NCAM2: variants seen among roughly 807,000 people sequenced by gnomAD.
NCAM2 encodes neural cell adhesion molecule 2.
In NCAM2, 30 loss-of-function variants were observed where a neutral mutation model predicts 98.1. That is an observed-to-expected ratio of 0.31 (90% CI 0.23 to 0.41). The LOEUF (loss-of-function observed/expected upper bound fraction) is 0.41, where lower values mean the gene tolerates loss of function less well. Ranked by LOEUF, NCAM2 falls within the 10% of genes least tolerant of loss-of-function variation. The probability of loss-of-function intolerance (pLI) is 1.00; values close to 1 mark genes in which losing one functional copy is unlikely to be tolerated. For synonymous variants in NCAM2, 368 were observed against 342.4 expected (o/e 1.07, Z -0.83); for missense variants, 867 against 1,005.8 (o/e 0.86, Z 1.87).
chr21:21,312,190 G>T (rs2147725020), intron 5 of NCAM2, among the ~76,000 whole-genome samples: 1 of 151,956 alleles, frequency 6.6e-6, no homozygotes, highest in Non-Finnish European at 1.5e-5. Flanking sequence ...TTCATAGTTT[G>T]CTCAGAGATT....
intron 6 of NCAM2, among the ~76,000 whole-genome samples, chr21:21,327,707 C>T (rs2147814283): frequency 6.6e-6 from 1 of 152,232 alleles, no homozygotes; most frequent in Non-Finnish European, 1.5e-5. Context: ...CACTCTTATA[C>T]TCTCATTTAA....
chr21:21,207,380 AC>A (rs2069479122), intron 1 of NCAM2, among the ~76,000 whole-genome samples: 1 of 152,128 alleles, frequency 6.6e-6, no homozygotes, highest in African/African-American at 2.4e-5. Flanking sequence ...CCTGTGATCT[AC>A]CACTAGGGCA....
intron 1 of NCAM2, among the ~76,000 whole-genome samples, chr21:21,218,908 T>C (rs905648300): frequency 3.3e-5 from 5 of 152,194 alleles, no homozygotes; most frequent in African/African-American, 1.2e-4. Flanking sequence ...GTGGGCGTGG[T>C]GGCACATGCC....
intron 10 of NCAM2, among the ~76,000 whole-genome samples, chr21:21,411,558 C>T (rs574745580): frequency 1.3e-5 from 2 of 152,014 alleles, no homozygotes; most frequent in Admixed American, 6.6e-5. Flanking sequence ...ATGTGTGTAT[C>T]AATTTCCGAA....
chr21:21,056,378 A>G (rs745633794), intron 1 of NCAM2, among the ~76,000 whole-genome samples: 35 of 152,060 alleles, frequency 2.3e-4, no homozygotes, highest in Non-Finnish European at 4.7e-4. Flanking sequence ...TTTAATTTAC[A>G]TTGGTAATAT....
At chr21:20,998,644 T>G in intron 1 of NCAM2, 26 bp downstream of exon 1, 1 of 1,609,678 alleles carries the variant, frequency 6.2e-7, no homozygotes, top group Non-Finnish European at 8.5e-7. Flanking sequence ...TTTATTGCAT[T>G]TACTTTCCCT....
At chr21:21,109,368 T>G (rs904291145) in intron 1 of NCAM2, among the ~76,000 whole-genome samples, 21 of 152,118 alleles carry the variant, frequency 1.4e-4, no homozygotes, top group Admixed American at 3.9e-4. Context: ...ATGAATTAGC[T>G]TTCACAGGAT....
At chr21:21,205,931 G>A (rs1469495360) in intron 1 of NCAM2, among the ~76,000 whole-genome samples, 1 of 152,108 alleles carries the variant, frequency 6.6e-6, no homozygotes, top group African/African-American at 2.4e-5. Flanking sequence ...ATTCATGAAA[G>A]CTTTGCCCTC....
intron 12 of NCAM2, among the ~76,000 whole-genome samples, chr21:21,450,903 G>A (rs551780845): frequency 8.4e-4 from 128 of 151,646 alleles, no homozygotes; most frequent in Non-Finnish European, 1.5e-3. Context: ...AGTAGCACAT[G>A]TTACACACAG....
chr21:21,376,048 G>A (rs895087751), intron 9 of NCAM2, among the ~76,000 whole-genome samples: 3 of 151,718 alleles, frequency 2.0e-5, no homozygotes, highest in Non-Finnish European at 3.0e-5. Context: ...TAGAATAATA[G>A]GACTAGCTAA....
intron 1 of NCAM2, 83 bp from the exon 2 acceptor site, chr21:21,280,495 C>A: frequency 4.4e-6 from 4 of 902,114 alleles, no homozygotes; most frequent in Non-Finnish European, 6.8e-6. Context: ...AGCGTTTGGA[C>A]CATGTGGTTT....
At chr21:21,469,585 A>C (rs1396677204) in intron 14 of NCAM2, among the ~76,000 whole-genome samples, 1 of 151,934 alleles carries the variant, frequency 6.6e-6, no homozygotes, top group Admixed American at 6.6e-5. Flanking sequence ...GTGCTATCCA[A>C]ATTAATTATA....
In NCAM2 at chr21:21,431,123, T is replaced by TTGTGTGTGTGTGTGTG. The variant is rs3037969; in HGVS notation, c.1481-977_1481-962dup. ...CAGAGCCAAACCATATAATATATGT[T>TTGTGTGTGTGTGTGTG]TGTGTGTGTGTGTGTGTGTGTGTAT... On this transcript the variant is annotated intron_variant, in intron 11 of 17. Coordinates refer to ENST00000400546, the MANE Select transcript of NCAM2 (RefSeq NM_004540.5). Among the ~76,000 whole-genome samples, 638 of 141,220 alleles carry TTGTGTGTGTGTGTGTG rather than the reference T, an allele frequency of 4.5e-3. 5 individuals carry two copies. Among genetic ancestry groups the TTGTGTGTGTGTGTGTG allele is most frequent in the Middle Eastern group, 0.019 (5 of 268 alleles). The allele number at this position is 141,220 out of a possible 152,430, so 92.6% of individuals were successfully genotyped here. A position where few individuals can be genotyped will look rare whatever the true frequency, so the allele number is the denominator to read the frequency against.
chr21:21,459,812 G>A (rs191542275), intron 12 of NCAM2, among the ~76,000 whole-genome samples: 108 of 151,584 alleles, frequency 7.1e-4, no homozygotes, highest in Middle Eastern at 3.4e-3. Context: ...ATAATGTACC[G>A]CATTGTGACT....
At chr21:21,335,170 T>C (rs2074825807) in intron 6 of NCAM2, among the ~76,000 whole-genome samples, 1 of 152,110 alleles carries the variant, frequency 6.6e-6, no homozygotes, top group South Asian at 2.1e-4. Flanking sequence ...CATTTAATTG[T>C]GTATGGGATT....
chr21:21,327,749 A>G (rs2074558539), intron 6 of NCAM2, among the ~76,000 whole-genome samples: 1 of 152,182 alleles, frequency 6.6e-6, no homozygotes, highest in South Asian at 2.1e-4. Context: ...CCTTATTTTC[A>G]AATACAGTCA....
At chr21:21,103,606 C>A (rs868355916) in intron 1 of NCAM2, among the ~76,000 whole-genome samples, 10 of 151,954 alleles carry the variant, frequency 6.6e-5, no homozygotes, top group South Asian at 2.1e-4. Context: ...GAAAAAAATC[C>A]ATAATGCTTC....
intron 1 of NCAM2, among the ~76,000 whole-genome samples, chr21:21,209,405 G>A (rs749589947): frequency 1.2e-4 from 18 of 151,734 alleles, no homozygotes; most frequent in African/African-American, 2.2e-4. Flanking sequence ...TATTTTTTTC[G>A]GAAAGACTGG....
chr21:21,364,272 T>G (rs2075728735), intron 8 of NCAM2, among the ~76,000 whole-genome samples: 1 of 151,982 alleles, frequency 6.6e-6, no homozygotes, highest in Non-Finnish European at 1.5e-5. Context: ...TATTTAAATA[T>G]AAATCTGTTA....
Sources: allele counts gnomAD v4.1 joint callset (sites outside exome capture counted in the v4.1 genomes callset), GRCh38; gene constraint gnomAD v4.1.1; transcripts MANE v1.5; gene names NCBI Gene and HGNC (gene_info 2026-07-23, HGNC 2026-07-21).